The following EPHA6 variants were observed in gnomAD, a reference collection of about 807,000 sequenced individuals.
The protein encoded by EPHA6 is EPH receptor A6.
Under a neutral mutation model 112.0 loss-of-function variants are expected in EPHA6, and 50 were observed. The observed-to-expected ratio is 0.45, with a 90% CI of 0.36 to 0.56. The LOEUF (loss-of-function observed/expected upper bound fraction) is 0.56. Among genes scored for constraint, EPHA6 ranks in the 20% least tolerant of loss-of-function variants. The pLI is 0.00. For missense variants in EPHA6, 1,280 were observed against 1,417.4 expected, an observed-to-expected ratio of 0.90 and a Z score of 1.56; for synonymous variants, 529 against 490.7, an observed-to-expected ratio of 1.08 and a Z score of -1.03.
rs77878663 is a variant in EPHA6, at chr3:97,597,417, C to T, written c.2512+4680C>T. 1.4e-4 allele frequency among the ~76,000 whole-genome samples: 21 copies of T among 152,110 alleles called. No homozygotes were observed. In the East Asian group the frequency reaches 2.1e-3, roughly 15 times the overall value. On this transcript the variant is annotated intron_variant, in intron 12 of 17. Coordinates refer to ENST00000389672, the MANE Select transcript of EPHA6 (RefSeq NM_001080448.3). Reference sequence around the variant, plus strand: ...CATGGGTATTCAAAAACTATATTTGCGATTACTGAGTATATAATTAAGAAT... The same window carrying T: ...CATGGGTATTCAAAAACTATATTTGTGATTACTGAGTATATAATTAAGAAT...
At chr3:97,239,207 T>G (rs1372091373) in intron 4 of EPHA6, among the ~76,000 whole-genome samples, 2 of 151,962 alleles carry the variant, frequency 1.3e-5, no homozygotes, top group African/African-American at 4.8e-5. Flanking sequence ...GTTGCTCTTC[T>G]GTATATAAAA....
intron 3 of EPHA6, among the ~76,000 whole-genome samples, chr3:97,038,928 C>T (rs1322792994): frequency 6.6e-6 from 1 of 152,038 alleles, no homozygotes; most frequent in Non-Finnish European, 1.5e-5. Flanking sequence ...CTCTCTTCTT[C>T]AAATTTGACT....
At chr3:97,734,165 CTATT>C (rs2035156204) in intron 15 of EPHA6, among the ~76,000 whole-genome samples, 1 of 152,014 alleles carries the variant, frequency 6.6e-6, no homozygotes, top group African/African-American at 2.4e-5. Context: ...ATAAAGGAAG[CTATT>C]TCTTTCTAAG....
At chr3:97,076,976 A>G (rs1189284578) in intron 3 of EPHA6, among the ~76,000 whole-genome samples, 2 of 152,114 alleles carry the variant, frequency 1.3e-5, no homozygotes, top group African/African-American at 4.8e-5. Flanking sequence ...TAGTCACCCA[A>G]GAGTTCTGAT....
chr3:97,623,858 G>T (rs1374691931), intron 13 of EPHA6, among the ~76,000 whole-genome samples: 7 of 151,574 alleles, frequency 4.6e-5, no homozygotes, highest in African/African-American at 1.7e-4. Flanking sequence ...TATTCCATTG[G>T]TCAATATGTG....
intron 1 of EPHA6, among the ~76,000 whole-genome samples, chr3:96,825,362 A>G (rs2033578526): frequency 6.6e-6 from 1 of 151,736 alleles, no homozygotes; most frequent in South Asian, 2.1e-4. Flanking sequence ...AAATTTTACT[A>G]GATTCTGTAT....
chr3:97,587,905 G>A (rs2093506079), intron 11 of EPHA6, among the ~76,000 whole-genome samples: 1 of 152,052 alleles, frequency 6.6e-6, no homozygotes, highest in Non-Finnish European at 1.5e-5. Flanking sequence ...TCAAGCCCTT[G>A]AAGTAAATTA....
intron 6 of EPHA6, among the ~76,000 whole-genome samples, chr3:97,417,321 T>C (rs892697094): frequency 1.3e-5 from 2 of 152,100 alleles, no homozygotes; most frequent in Non-Finnish European, 2.9e-5. Context: ...GAAAAGCGCT[T>C]TTCCTGACAC....
intron 3 of EPHA6, among the ~76,000 whole-genome samples, chr3:97,011,094 G>C (rs889579443): frequency 2.6e-5 from 4 of 152,076 alleles, no homozygotes; most frequent in African/African-American, 9.7e-5. Flanking sequence ...TAAGAAGTAA[G>C]GTTTCATAGA....
intron 2 of EPHA6, among the ~76,000 whole-genome samples, chr3:96,950,704 C>G (rs1287685016): frequency 6.6e-6 from 1 of 151,998 alleles, no homozygotes; most frequent in Non-Finnish European, 1.5e-5. Context: ...TTGAGTGTTG[C>G]TATTGTAGTG....
At chr3:97,179,313 C>T (rs1038509974) in intron 3 of EPHA6, among the ~76,000 whole-genome samples, 6 of 151,982 alleles carry the variant, frequency 3.9e-5, no homozygotes, top group Non-Finnish European at 7.4e-5. Context: ...GTTTCCTCAA[C>T]ACAGCTATTT....
rs529954388 is a variant in EPHA6, at chr3:97,647,835, AG to A, written c.2784+9754del. Among the ~76,000 whole-genome samples, 496 of 152,268 alleles carry A rather than the reference AG, an allele frequency of 3.3e-3. 3 individuals are homozygous for A. The highest frequency in any genetic ancestry group is 5.5e-3 in the Non-Finnish European group (373 of 68,020). On this transcript the variant is annotated intron_variant, in intron 14 of 17. Transcript: ENST00000389672. ...TCATTTGAATATTGCTAGGCAACCC[AG>A]TCTTAAACTTACATTGAAAATGCTA...
chr3:97,688,278 A>G (rs1369606019), intron 14 of EPHA6, among the ~76,000 whole-genome samples: 3 of 152,092 alleles, frequency 2.0e-5, no homozygotes, highest in African/African-American at 7.2e-5. Context: ...TACTTCTGCT[A>G]GTCTTTCATG....
chr3:97,759,665 T>C lies in EPHA6; in HGVS notation c.*10964T>C, dbSNP rs1177817660. On this transcript the variant is annotated 3_prime_UTR_variant, in exon 18 of 18. Coordinates refer to ENST00000389672, the MANE Select transcript of EPHA6 (RefSeq NM_001080448.3). ...GCAGAATGTGTAATGTGCAAATAGG[T>C]TGGTATATTTGTGGTAGAAAGGGAA... The C allele has an allele frequency of 8.7e-6, 2 of 229,404 alleles. No homozygotes were observed. Among genetic ancestry groups the C allele is most frequent in the Non-Finnish European group, 1.7e-5 (2 of 115,808 alleles). 14.2% of individuals were successfully genotyped at this position (229,404 alleles called of 1,614,324 possible).
intron 6 of EPHA6, among the ~76,000 whole-genome samples, chr3:97,434,727 G>A (rs2089724412): frequency 1.3e-5 from 2 of 151,950 alleles, no homozygotes; most frequent in Non-Finnish European, 2.9e-5. Context: ...TATTAGTCAG[G>A]TATTCAGACA....
intron 3 of EPHA6, among the ~76,000 whole-genome samples, chr3:97,101,391 G>A (rs1255594397): frequency 6.6e-6 from 1 of 151,918 alleles, no homozygotes; most frequent in East Asian, 1.9e-4. Flanking sequence ...TCTCCAATTT[G>A]TTGTTTGTGT....
chr3:97,223,921 G>A (rs1434507205), intron 3 of EPHA6, among the ~76,000 whole-genome samples: 1 of 152,126 alleles, frequency 6.6e-6, no homozygotes, highest in Non-Finnish European at 1.5e-5. Context: ...GTTTAAAATT[G>A]TGCTATCCAG....
intron 3 of EPHA6, among the ~76,000 whole-genome samples, chr3:97,098,968 A>T (rs2047326228): frequency 6.6e-6 from 1 of 151,934 alleles, no homozygotes; most frequent in Non-Finnish European, 1.5e-5. Flanking sequence ...AATTTATGAG[A>T]TTCTATGCAA....
chr3:96,920,804 C>T (rs1173795126), intron 2 of EPHA6, among the ~76,000 whole-genome samples: 1 of 151,802 alleles, frequency 6.6e-6, no homozygotes, highest in African/African-American at 2.4e-5. Flanking sequence ...ATTTCTTGTT[C>T]TCTGCAATGA....
Sources: gnomAD v4.1 joint callset for allele counts (sites outside exome capture counted in the v4.1 genomes callset) on GRCh38, gnomAD v4.1.1 for gene constraint, MANE v1.5 for transcripts, NCBI Gene and HGNC (gene_info 2026-07-23, HGNC 2026-07-21) for gene names.